The following GRIN3B variants were observed in gnomAD, a reference collection of about 807,000 sequenced individuals.
GRIN3B encodes the protein glutamate ionotropic receptor NMDA type subunit 3B, also known as glutamate receptor ionotropic, NMDA 3B.
In GRIN3B, 77 loss-of-function variants were observed where a neutral mutation model predicts 66.0. The observed-to-expected ratio is 1.17, with a 90% CI of 0.97 to 1.41. GRIN3B has a LOEUF of 1.41. GRIN3B is among the 40% of genes most tolerant of loss of function. GRIN3B has a pLI of 0.00. For missense variants in GRIN3B, 1,787 were observed against 1,564.5 expected (o/e 1.14, Z -2.40); for synonymous variants, 823 against 749.7 (o/e 1.10, Z -1.60).
Position 1,003,322 on chromosome 19 carries a change from C to A in GRIN3B, c.619C>A (p.Arg207=), listed in dbSNP as rs375724549. 1 of 1,572,666 alleles carries A rather than the reference C, an allele frequency of 6.4e-7. No homozygotes were observed. Among genetic ancestry groups the A allele is most frequent in the Non-Finnish European group, 8.6e-7 (1 of 1,161,878 alleles). The change falls in exon 2 of 9, where the codon CGG becomes AGG. Residue 207 remains arginine (R), a synonymous_variant. Coordinates refer to ENST00000234389, the MANE Select transcript of GRIN3B (RefSeq NM_138690.3). ...CCCACAGCTGGTCCTGGACCTAAGC[C>A]GGCGGGACACGGGAGATGCAGGACT... ...RPPQLVLDLS[R]RDTGDAGLRA... is the part of the protein sequence containing the mutation.
In GRIN3B at chr19:1,005,662, C is replaced by A; in HGVS notation, c.2052+109C>A. Reference sequence around the variant, plus strand: ...CTGGACGTGGAGGACGTCCACTAGGCCAACTCTGGTCCCAAGAGACATTTA... The same window carrying A: ...CTGGACGTGGAGGACGTCCACTAGGACAACTCTGGTCCCAAGAGACATTTA... On this transcript the variant is annotated intron_variant, in intron 3 of 8. Coordinates refer to ENST00000234389, the MANE Select transcript of GRIN3B (RefSeq NM_138690.3). This position sits in a 1 kb window ranked among gnomAD's most constrained non-coding sequence, Gnocchi z 5.2. 1 of 788,212 alleles carries A rather than the reference C, an allele frequency of 1.3e-6. No homozygotes were observed. The allele number at this position is 788,212 out of a possible 1,614,324, so 48.8% of individuals were successfully genotyped here.
chr19:1,004,653 C>A lies in GRIN3B; in HGVS notation c.1152C>A (p.Ala384=). The change falls in exon 3 of 9, where the codon GCC becomes GCA. Residue 384 remains alanine, a synonymous_variant. Coordinates refer to ENST00000234389, the MANE Select transcript of GRIN3B (RefSeq NM_138690.3). Reference sequence around the variant, plus strand: ...ACCCACGGGGCGCCCCGGCCTGGGCCACGGTGGGCAGCTGGCGGGACGGCC... The same window carrying A: ...ACCCACGGGGCGCCCCGGCCTGGGCAACGGTGGGCAGCTGGCGGGACGGCC... ...RRDPRGAPAW[A]TVGSWRDGQL... 6.3e-7 allele frequency: 1 copy of A among 1,599,694 alleles called. No homozygotes were observed. Among genetic ancestry groups the A allele is most frequent in the Non-Finnish European group, 8.5e-7 (1 of 1,173,776 alleles).
In GRIN3B at chr19:1,005,306, G is replaced by T; in HGVS notation, c.1805G>T (p.Gly602Val). 4 of 1,613,598 alleles carry T rather than the reference G, an allele frequency of 2.5e-6. No individual in the cohort carries two copies. The highest frequency in any genetic ancestry group is 3.4e-6 in the Non-Finnish European group (4 of 1,179,976). ...LTVYEWRSPY[G>V]LTPRGRNRST... The stretch of plus-strand genomic sequence containing the variant: ...GTGTACGAGTGGCGTAGCCCCTACG[G>T]CCTCACGCCACGTGGCCGCAACCGC... Residue 602 changes from glycine (G) to valine (V), a missense_variant, in exon 3 of 9, where the codon GGC becomes GTC. Coordinates refer to ENST00000234389, the MANE Select transcript of GRIN3B (RefSeq NM_138690.3). This position sits in a 1 kb window ranked among gnomAD's most constrained non-coding sequence, Gnocchi z 5.2.
At position 1,007,909 on chromosome 19, in the gene GRIN3B, A is replaced by T. The variant is rs139897544; in HGVS notation, c.2252A>T (p.Tyr751Phe). 1.9e-6 allele frequency: 3 copies of T among 1,611,832 alleles called. No individual in the cohort carries two copies. In the South Asian group the frequency reaches 3.3e-5, roughly 18 times the overall value. ...ATCATGGACAAGTCGCTCCTGGACT[A>T]CGAGGTCTCCATCGACGCCGACTGC... Reference protein sequence around the residue: ...AFIMDKSLLDYEVSIDADCKL... With the variant: ...AFIMDKSLLDFEVSIDADCKL... Residue 751 changes from tyrosine to phenylalanine, a missense_variant, in exon 5 of 9, where the codon TAC becomes TTC. Tyr to Phe is a conservative substitution (Grantham distance 22, BLOSUM62 3). Transcript: ENST00000234389. This position sits in a 1 kb window ranked among gnomAD's most constrained non-coding sequence, Gnocchi z 4.4.
chr19:1,003,353 C>A lies in GRIN3B; in HGVS notation c.650C>A (p.Ala217Glu). ...RRDTGDAGLR[A>E]RLAPMAAPVG... is the part of the protein sequence containing the mutation. ...GACACGGGAGATGCAGGACTGCGGG[C>A]ACGCCTGGCCCCGATGGCGGCGCCA... Residue 217 changes from alanine to glutamate, a missense_variant, in exon 2 of 9, where the codon GCA becomes GAA. By Grantham distance (107) the Ala-to-Glu change is moderately radical. Transcript: ENST00000234389. The A allele has an allele frequency of 6.3e-7, 1 of 1,577,956 alleles. No individual in the cohort carries two copies. Among genetic ancestry groups the A allele is most frequent in the Non-Finnish European group, 8.6e-7 (1 of 1,166,340 alleles).
chr19:1,007,676 A>G lies in GRIN3B; in HGVS notation c.2101A>G (p.Ser701Gly). 1 of 1,534,952 alleles carries G rather than the reference A, an allele frequency of 6.5e-7. No individual in the cohort carries two copies. ...CCGCTTCGGCACCGTGTGGGAGAGC[A>G]GCGCCGAGGCGTACATCAAGAAGAG... is the stretch of plus-strand genomic sequence containing the variant. ...GFRFGTVWESSAEAYIKKSFP... is the reference protein window; with the variant it reads ...GFRFGTVWESGAEAYIKKSFP... Residue 701 changes from serine (S) to glycine (G), a missense_variant, in exon 4 of 9, where the codon AGC becomes GGC. Coordinates refer to ENST00000234389, the MANE Select transcript of GRIN3B (RefSeq NM_138690.3). The surrounding 1 kb of genome is among the most constrained non-coding windows in gnomAD (Gnocchi z 4.4).
In GRIN3B at chr19:1,007,022, G is replaced by T. The variant is rs1452532077; in HGVS notation, c.2053-606G>T. On this transcript the variant is annotated intron_variant, in intron 3 of 8. Coordinates refer to ENST00000234389, the MANE Select transcript of GRIN3B (RefSeq NM_138690.3). This position sits in a 1 kb window ranked among gnomAD's most constrained non-coding sequence, Gnocchi z 4.4. ...GTGGGGAGAACAGACCACGGGTGGT[G>T]CAGGGAGGACCCCGCAGAGGGGCCT... Among the ~76,000 whole-genome samples, 1 of 152,190 alleles carries T rather than the reference G, an allele frequency of 6.6e-6. No homozygotes were observed. The highest frequency in any genetic ancestry group is 1.5e-5 in the Non-Finnish European group (1 of 68,040).
rs1334049042 is a variant in GRIN3B at position 1,000,862 on chromosome 19, C to G, written c.425C>G (p.Pro142Arg). Residue 142 changes from proline to arginine, a missense_variant and splice_region_variant, in exon 1 of 9, where the codon CCG (proline) becomes CGG (arginine). Transcript: ENST00000234389. The part of the protein sequence containing the change: ...RREARAPLGA[P>R]NPFHLQLHWA... ...GAGGCGCGCGCGCCCCTCGGAGCCC[C>G]GGTACGCGGGACGCCCGGAGTCAGG... is the stretch of plus-strand genomic sequence containing the variant. 2 of 1,410,164 alleles carry G rather than the reference C, an allele frequency of 1.4e-6. No individual in the cohort carries two copies. The highest frequency in any genetic ancestry group is 1.8e-6 in the Non-Finnish European group (2 of 1,086,628). The allele number at this position is 1,410,164 out of a possible 1,614,324, so 87.4% of individuals were successfully genotyped here. A position where few individuals can be genotyped will look rare whatever the true frequency, so the allele number is the denominator to read the frequency against.
At position 1,004,634 on chromosome 19, in the gene GRIN3B, G is replaced by A. The variant is rs74667913; in HGVS notation, c.1133G>A (p.Arg378Gln). Reference sequence around the variant, plus strand: ...GTGTGGAGCCTTCGCCGGGACCCACGGGGCGCCCCGGCCTGGGCCACGGTG... The same window carrying A: ...GTGTGGAGCCTTCGCCGGGACCCACAGGGCGCCCCGGCCTGGGCCACGGTG... ...FKVWSLRRDP[R>Q]GAPAWATVGS... The change falls in exon 3 of 9, where the codon CGG (arginine) becomes CAG (glutamine). Residue 378 changes from arginine (R) to glutamine (Q), a missense_variant. Transcript: ENST00000234389. 24 of 1,600,920 alleles carry A rather than the reference G, an allele frequency of 1.5e-5. No homozygotes were observed. Among genetic ancestry groups the A allele is most frequent in the Non-Finnish European group, 1.9e-5 (22 of 1,174,432 alleles).
At position 1,003,445 on chromosome 19, in the gene GRIN3B, G is replaced by C; in HGVS notation, c.742G>C (p.Val248Leu). ...CTGTGACATCGCCCGTGCCCGTCGG[G>C]TGCTGGAGGCCGTACCTCCCGGCCC... is the stretch of plus-strand genomic sequence containing the variant. ...LGCDIARARR[V>L]LEAVPPGPHW... The change falls in exon 2 of 9, where the codon GTG (valine) becomes CTG (leucine). Residue 248 changes from valine (V) to leucine (L), a missense_variant. Coordinates refer to ENST00000234389, the MANE Select transcript of GRIN3B (RefSeq NM_138690.3). The C allele has an allele frequency of 6.5e-7, 1 of 1,540,272 alleles. No homozygotes were observed. The highest frequency in any genetic ancestry group is 8.7e-7 in the Non-Finnish European group (1 of 1,148,028).
intron 2 of GRIN3B, 113 bp downstream of exon 2, chr19:1,003,835 C>T (rs1178747114): frequency 2.3e-5 from 19 of 828,028 alleles, no homozygotes; most frequent in Non-Finnish European, 3.2e-5. Context: ...GCCTGTAATC[C>T]CAGCACTTCG....
rs1007587890 is a variant in GRIN3B at position 1,000,758 on chromosome 19, C to T, written c.321C>T (p.Pro107=). Residue 107 remains proline, a synonymous_variant, in exon 1 of 9, where the codon CCC becomes CCT. Coordinates refer to ENST00000234389, the MANE Select transcript of GRIN3B (RefSeq NM_138690.3). ...GCGTGGCGGCCCTGCTCGCCTTTCC[C>T]GAGGCTCGGCCCGAGCTGCTGCAGC... ...PPGVAALLAF[P]EARPELLQLH... 4.8e-6 allele frequency: 7 copies of T among 1,446,934 alleles called. No homozygotes were observed. The Admixed American group carries it at 1.1e-4, about 22-fold the overall frequency. 89.6% of individuals were successfully genotyped at this position (1,446,934 alleles called of 1,614,324 possible).
In GRIN3B at chr19:1,004,784, T is replaced by C; in HGVS notation, c.1283T>C (p.Val428Ala). ...GTAACGCTGTTGGAACACCCATTTG[T>C]GTTTGCCCGTGATCCAGACGAAGAC... The part of the protein sequence containing the change: ...RVVTLLEHPF[V>A]FARDPDEDGQ... The change falls in exon 3 of 9, where the codon GTG becomes GCG. Residue 428 changes from valine (V) to alanine (A), a missense_variant. By Grantham distance (64) the Val-to-Ala change is moderately conservative. Transcript: ENST00000234389. The C allele has an allele frequency of 6.2e-7, 1 of 1,612,796 alleles. No individual in the cohort carries two copies. The highest frequency in any genetic ancestry group is 8.5e-7 in the Non-Finnish European group (1 of 1,179,536).
rs1459769287 is a variant in GRIN3B at position 1,007,839 on chromosome 19, G to A, written c.2199-17G>A. On this transcript the variant is annotated splice_polypyrimidine_tract_variant and intron_variant, in intron 4 of 8. Transcript: ENST00000234389. The surrounding 1 kb of genome is among the most constrained non-coding windows in gnomAD (Gnocchi z 4.4). Reference sequence around the variant, plus strand: ...GTGGGCGGGGCGATGGCTGACCCCCGCCCCCGGCCCCAGCAGGAGCGACCC... The same window carrying A: ...GTGGGCGGGGCGATGGCTGACCCCCACCCCCGGCCCCAGCAGGAGCGACCC... The A allele has an allele frequency of 3.2e-6, 5 of 1,576,836 alleles. No individual in the cohort carries two copies. The highest frequency in any genetic ancestry group is 2.3e-5 in the East Asian group (1 of 43,484).
Position 1,008,538 on chromosome 19 carries a change from A to C in GRIN3B, c.2467-80A>C, listed in dbSNP as rs1022517624. 2.7e-6 allele frequency: 4 copies of C among 1,503,594 alleles called. No homozygotes were observed. The African/African-American group carries it at 5.5e-5, about 21-fold the overall frequency. 93.1% of individuals were successfully genotyped at this position (1,503,594 alleles called of 1,614,324 possible). A position where few individuals can be genotyped will look rare whatever the true frequency, so the allele number is the denominator to read the frequency against. ...GCCCCAAGCCCCTCTCTCTGGCCCA[A>C]CCTGTTCTCCCCTAGTTCAAGGCTC... On this transcript the variant is annotated intron_variant, in intron 6 of 8. Transcript: ENST00000234389.
In GRIN3B at chr19:1,003,407, C is replaced by T. The variant is rs780028640; in HGVS notation, c.704C>T (p.Ala235Val). The T allele has an allele frequency of 8.4e-6, 13 of 1,549,336 alleles. No homozygotes were observed. Among genetic ancestry groups the T allele is most frequent in the Middle Eastern group, 1.7e-4 (1 of 5,954 alleles). ...PVGGEAPVPAAVLLGCDIARA... is the reference protein window; with the variant it reads ...PVGGEAPVPAVVLLGCDIARA... ...GGGGGTGAAGCACCGGTACCCGCGG[C>T]GGTCCTCCTCGGCTGTGACATCGCC... The change falls in exon 2 of 9, where the codon GCG (alanine) becomes GTG (valine). Residue 235 changes from alanine (A) to valine (V), a missense_variant. By Grantham distance (64) the Ala-to-Val change is moderately conservative. Coordinates refer to ENST00000234389, the MANE Select transcript of GRIN3B (RefSeq NM_138690.3).
chr19:1,005,373 C>G lies in GRIN3B; in HGVS notation c.1872C>G (p.Tyr624Ter), dbSNP rs777216230. ...ACTCCTCAGCCCTCAACCTGTGCTA[C>G]GCCATCCTCTTCAGACGCACCGTGT... ...FSYSSALNLC[Y>*]AILFRRTVSS... Residue 624 changes from tyrosine (Y) to a stop codon, truncating the protein, a stop_gained, in exon 3 of 9, where the codon TAC (tyrosine) becomes TAG (stop). Transcript: ENST00000234389. LOFTEE classifies it high-confidence loss of function. This position sits in a 1 kb window ranked among gnomAD's most constrained non-coding sequence, Gnocchi z 5.2. The G allele has an allele frequency of 6.2e-7, 1 of 1,613,586 alleles. No individual in the cohort carries two copies. The highest frequency in any genetic ancestry group is 1.7e-5 in the Admixed American group (1 of 60,014).
intron 5 of GRIN3B, 58 bp downstream of exon 5, chr19:1,008,029 G>A: frequency 1.3e-6 from 2 of 1,589,788 alleles, no homozygotes; most frequent in Non-Finnish European, 1.7e-6. Context: ...CCTGGGGGCA[G>A]TGGGGAGCCA....
rs543762684 is a variant in GRIN3B at position 1,008,795 on chromosome 19, TGGGCGGC to T, written c.2631+21_2631+27del. On this transcript the variant is annotated intron_variant, in intron 7 of 8. Transcript: ENST00000234389. Reference sequence around the variant, plus strand: ...GCACACCAGCCAGGTGGGGAGCGGGTGGGCGGCGGGCGGCCCCACCCCCCCCGCCTCC... The same window carrying T: ...GCACACCAGCCAGGTGGGGAGCGGGTGGGCGGCCCCACCCCCCCCGCCTCC... 18 of 1,596,194 alleles carry T rather than the reference TGGGCGGC, an allele frequency of 1.1e-5. No homozygotes were observed. The highest frequency in any genetic ancestry group is 6.8e-5 in the African/African-American group (5 of 73,926).
Sources: allele counts gnomAD v4.1 joint callset (sites outside exome capture counted in the v4.1 genomes callset), GRCh38; gene constraint gnomAD v4.1.1; non-coding constraint Gnocchi (gnomAD v3.1); transcripts MANE v1.5; gene names NCBI Gene and HGNC (gene_info 2026-07-23, HGNC 2026-07-21).